Variants in LRRTM4 observed in about 807,000 individuals in gnomAD.
LRRTM4 encodes leucine rich repeat transmembrane neuronal 4, also known as leucine-rich repeat transmembrane neuronal protein 4.
A neutral mutation model predicts 47.6 loss-of-function variants in LRRTM4; 25 were observed. The observed-to-expected ratio is 0.53, with a 90% CI of 0.38 to 0.73. The LOEUF is 0.73. Among genes scored for constraint, LRRTM4 ranks in the 30% least tolerant of loss-of-function variants. LRRTM4 has a pLI of 0.00. For synonymous variants in LRRTM4, 311 were observed against 269.5 expected (o/e 1.15, Z -1.51); for missense variants, 638 against 713.4 (o/e 0.89, Z 1.20).
chr2:76,787,178 A>G (rs1674718781), intron 3 of LRRTM4, among the ~76,000 whole-genome samples: 1 of 152,140 alleles, frequency 6.6e-6, no homozygotes, highest in South Asian at 2.1e-4. Flanking sequence ...CTCTAATGGA[A>G]AAAAGAGAAA....
chr2:76,886,621 A>C (rs1673083491), intron 3 of LRRTM4, among the ~76,000 whole-genome samples: 1 of 152,146 alleles, frequency 6.6e-6, no homozygotes, highest in Admixed American at 6.5e-5. Flanking sequence ...CAGTAGACTT[A>C]ATAAGAGCAT....
At chr2:76,990,212 C>A (rs938948459) in intron 3 of LRRTM4, among the ~76,000 whole-genome samples, 1 of 151,688 alleles carries the variant, frequency 6.6e-6, no homozygotes, top group Non-Finnish European at 1.5e-5. Context: ...AGTAGACTTC[C>A]TTTTGCTTTC....
chr2:76,977,717 CTCTT>C (rs1449164492), intron 3 of LRRTM4, among the ~76,000 whole-genome samples: 1 of 151,888 alleles, frequency 6.6e-6, no homozygotes, highest in Non-Finnish European at 1.5e-5. Context: ...ACATTTCATT[CTCTT>C]TGTTATAATG....
At chr2:77,321,955 TGAA>T (rs921618826) in intron 3 of LRRTM4, among the ~76,000 whole-genome samples, 14 of 152,184 alleles carry the variant, frequency 9.2e-5, no homozygotes, top group South Asian at 2.1e-4. Flanking sequence ...TTGAGAGGAT[TGAA>T]GAAGATTATT....
chr2:77,228,427 A>G (rs1179620665), intron 3 of LRRTM4, among the ~76,000 whole-genome samples: 1 of 152,158 alleles, frequency 6.6e-6, no homozygotes, highest in Non-Finnish European at 1.5e-5. Context: ...GCGAAGTCCC[A>G]TGAAAATTAC....
chr2:76,825,856 G>A (rs1174330968), intron 3 of LRRTM4, among the ~76,000 whole-genome samples: 2 of 151,512 alleles, frequency 1.3e-5, no homozygotes, highest in East Asian at 2.0e-4. Context: ...GAAGGAACAA[G>A]CACTAAGACA....
intron 3 of LRRTM4, among the ~76,000 whole-genome samples, chr2:76,852,969 G>A (rs1457356527): frequency 1.3e-5 from 2 of 152,038 alleles, no homozygotes; most frequent in Non-Finnish European, 2.9e-5. Context: ...ATTCAAACAG[G>A]CACAAGTATG....
intron 3 of LRRTM4, among the ~76,000 whole-genome samples, chr2:77,479,443 C>T (rs141820785): frequency 1.3e-5 from 2 of 152,308 alleles, no homozygotes; most frequent in African/African-American, 4.8e-5. Flanking sequence ...TTTGTAAAAA[C>T]TCTGGAGGTT....
intron 3 of LRRTM4, among the ~76,000 whole-genome samples, chr2:76,835,206 A>G (rs562107276): frequency 1.1e-4 from 16 of 152,220 alleles, no homozygotes; most frequent in African/African-American, 3.4e-4. Context: ...AACTTATTAA[A>G]TTGTACAGGT....
intron 3 of LRRTM4, among the ~76,000 whole-genome samples, chr2:76,861,477 T>C (rs927140323): frequency 3.3e-5 from 5 of 152,138 alleles, no homozygotes; most frequent in African/African-American, 1.2e-4. Context: ...ACAGTTTAAA[T>C]TTCTTGCAGA....
chr2:77,060,728 C>T (rs934541662), intron 3 of LRRTM4, among the ~76,000 whole-genome samples: 2 of 151,984 alleles, frequency 1.3e-5, no homozygotes, highest in Non-Finnish European at 2.9e-5. Context: ...ACAGTTCTTA[C>T]CTTGGGTAAG....
chr2:76,751,969 C>T (rs1357232654), intron 3 of LRRTM4, among the ~76,000 whole-genome samples: 1 of 152,156 alleles, frequency 6.6e-6, no homozygotes, highest in Non-Finnish European at 1.5e-5. Flanking sequence ...GATTATAGAA[C>T]ATTTATTCTA....
chr2:77,084,630 T>G (rs1338184499), intron 3 of LRRTM4, among the ~76,000 whole-genome samples: 1 of 152,218 alleles, frequency 6.6e-6, no homozygotes, highest in Non-Finnish European at 1.5e-5. Context: ...GTAGCTTGAC[T>G]GATTTTGGTC....
At chr2:76,994,950 C>T (rs1677146776) in intron 3 of LRRTM4, among the ~76,000 whole-genome samples, 1 of 151,904 alleles carries the variant, frequency 6.6e-6, no homozygotes, top group African/African-American at 2.4e-5. Flanking sequence ...GAAATCTTTG[C>T]TCAAACCCCT....
At chr2:77,049,864 C>A (rs1012360510) in intron 3 of LRRTM4, among the ~76,000 whole-genome samples, 15 of 151,848 alleles carry the variant, frequency 9.9e-5, no homozygotes, top group Non-Finnish European at 2.1e-4. Context: ...GAAATCTTTG[C>A]CCAGACCAAT....
At chr2:77,130,695 TAG>T (rs1320820074) in intron 3 of LRRTM4, among the ~76,000 whole-genome samples, 1 of 150,974 alleles carries the variant, frequency 6.6e-6, no homozygotes, top group Non-Finnish European at 1.5e-5. Context: ...GTATTTTTAG[TAG>T]AGACGGGGTT....
chr2:76,832,361 A>G (rs976224834), intron 3 of LRRTM4, among the ~76,000 whole-genome samples: 26 of 151,944 alleles, frequency 1.7e-4, no homozygotes, highest in African/African-American at 6.0e-4. Context: ...ACACATAAAC[A>G]TAAGTACTTC....
intron 3 of LRRTM4, among the ~76,000 whole-genome samples, chr2:77,306,555 T>TA (rs1677278098): frequency 6.6e-6 from 1 of 152,204 alleles, no homozygotes; most frequent in African/African-American, 2.4e-5. Context: ...TTGCTGCTTA[T>TA]AAATCCTTAA....
intron 3 of LRRTM4, among the ~76,000 whole-genome samples, chr2:76,816,499 T>G (rs1364091320): frequency 6.6e-6 from 1 of 152,150 alleles, no homozygotes; most frequent in South Asian, 2.1e-4. Context: ...ACACCTATCA[T>G]TTATGATGGA....
Sources: gnomAD v4.1 joint callset for allele counts (sites outside exome capture counted in the v4.1 genomes callset) on GRCh38, gnomAD v4.1.1 for gene constraint, MANE v1.5 for transcripts, NCBI Gene and HGNC (gene_info 2026-07-23, HGNC 2026-07-21) for gene names.